The following RAB30 variants were observed in gnomAD, a reference collection of about 807,000 sequenced individuals.
RAB30 encodes RAB30, member RAS oncogene family, also known as ras-related protein Rab-30.
RAB30 carries 9 observed loss-of-function variants against 25.1 expected under a neutral mutation model. The ratio of observed to expected loss-of-function variants is 0.36; its 90% confidence interval spans 0.22 to 0.63. RAB30 has a LOEUF of 0.63. RAB30 is among the 20% of genes least tolerant of loss of function. The probability of loss-of-function intolerance (pLI) is 0.69; values close to 1 mark genes in which losing one functional copy is unlikely to be tolerated. For missense variants in RAB30, 140 were observed against 243.5 expected, an observed-to-expected ratio of 0.58 and a Z score of 2.83; for synonymous variants, 77 against 86.4, an observed-to-expected ratio of 0.89 and a Z score of 0.60.
At chr11:83,038,476 C>G (rs567049374) in intron 1 of RAB30, among the ~76,000 whole-genome samples, 1 of 152,268 alleles carries the variant, frequency 6.6e-6, no homozygotes, top group African/African-American at 2.4e-5. Context: ...ATGCCTACCT[C>G]AAGATGTTTA....
intron 1 of RAB30, chr11:83,035,450 G>A (rs1305595496): frequency 2.6e-5 from 4 of 152,552 alleles, no homozygotes; most frequent in Non-Finnish European, 5.9e-5. Flanking sequence ...ATGAGTGAAG[G>A]AGAAGGCCAC....
rs189126960 is a variant in RAB30, at chr11:82,982,141, C to A, written c.*24G>T. On this transcript the variant is annotated 3_prime_UTR_variant, in exon 5 of 5. Transcript: ENST00000527633. ...GGCCCATCAGGGCAGTTGCTGATTC[C>A]TTTTCTTCTCCGTGCCTCAGCCTTT... is the stretch of plus-strand genomic sequence containing the variant. 3 of 1,613,502 alleles carry A rather than the reference C, an allele frequency of 1.9e-6. No individual in the cohort carries two copies. Among genetic ancestry groups the A allele is most frequent in the African/African-American group, 2.7e-5 (2 of 75,036 alleles).
chr11:83,026,733 A>C (rs1471980283), intron 1 of RAB30, among the ~76,000 whole-genome samples: 3 of 152,214 alleles, frequency 2.0e-5, no homozygotes, highest in African/African-American at 7.2e-5. Context: ...CAATCTGGAG[A>C]AGGTGTCACA....
chr11:83,026,906 G>A (rs116894975), intron 1 of RAB30, among the ~76,000 whole-genome samples: 542 of 152,232 alleles, frequency 3.6e-3, no homozygotes, highest in African/African-American at 7.3e-3. Context: ...AATTGACTTA[G>A]CATACTCAGA....
At chr11:83,031,522 C>CA (rs1555037455) in intron 1 of RAB30, among the ~76,000 whole-genome samples, 3 of 83,642 alleles carry the variant, frequency 3.6e-5, no homozygotes, top group Non-Finnish European at 6.9e-5. Flanking sequence ...TCTGCGTATT[C>CA]TTTTTTTTTC....
At chr11:82,984,132 T>C (rs1437298370) in intron 4 of RAB30, among the ~76,000 whole-genome samples, 1 of 152,218 alleles carries the variant, frequency 6.6e-6, no homozygotes, top group Non-Finnish European at 1.5e-5. Context: ...GGTGTGTCAA[T>C]TGTATTATCT....
At chr11:82,996,451 C>T (rs748345303) in intron 2 of RAB30, among the ~76,000 whole-genome samples, 27 of 152,212 alleles carry the variant, frequency 1.8e-4, no homozygotes, top group Non-Finnish European at 3.1e-4. Context: ...CAAGTTCCAA[C>T]TTGCTGAACA....
At chr11:83,056,638 G>T (rs1368561750) in intron 1 of RAB30, among the ~76,000 whole-genome samples, 1 of 152,096 alleles carries the variant, frequency 6.6e-6, no homozygotes, top group Non-Finnish European at 1.5e-5. Flanking sequence ...ACATAAAATT[G>T]CAAATTGTCC....
At chr11:82,997,410 G>A (rs981921735) in intron 1 of RAB30, 86 bp from the exon 2 acceptor site, 15 of 933,434 alleles carry the variant, frequency 1.6e-5, no homozygotes, top group East Asian at 1.5e-4. Flanking sequence ...CTCTCCGGGG[G>A]AACAGGTCTG....
At chr11:83,043,365 G>T (rs1158972059) in intron 1 of RAB30, among the ~76,000 whole-genome samples, 1 of 152,144 alleles carries the variant, frequency 6.6e-6, no homozygotes, top group Non-Finnish European at 1.5e-5. Context: ...GATCAGCTGA[G>T]CCTAATCCAC....
Position 82,997,343 on chromosome 11 carries a change from C to CA in RAB30, c.-8-20dup. ...TACACAGCTGCAAGGCAAACACAGG[C>CA]AAAAGTGAGAAAGGCCCAGTCAGAC... On this transcript the variant is annotated intron_variant, in intron 1 of 4. Coordinates refer to ENST00000527633, the MANE Select transcript of RAB30 (RefSeq NM_001286060.2). The CA allele has an allele frequency of 6.5e-7, 1 of 1,543,392 alleles. No homozygotes were observed. Among genetic ancestry groups the CA allele is most frequent in the East Asian group, 2.2e-5 (1 of 44,510 alleles).
At chr11:83,042,133 G>C (rs1858132689) in intron 1 of RAB30, among the ~76,000 whole-genome samples, 1 of 152,060 alleles carries the variant, frequency 6.6e-6, no homozygotes, top group South Asian at 2.1e-4. Context: ...ATTCCTTCAG[G>C]CAGGGAACAC....
chr11:83,033,585 A>G (rs1857923972), intron 1 of RAB30, among the ~76,000 whole-genome samples: 1 of 152,212 alleles, frequency 6.6e-6, no homozygotes, highest in African/African-American at 2.4e-5. Context: ...GAAATCCAGG[A>G]AAGTAACTTG....
chr11:83,006,904 C>A (rs1857196498), intron 1 of RAB30, among the ~76,000 whole-genome samples: 1 of 152,176 alleles, frequency 6.6e-6, no homozygotes, highest in African/African-American at 2.4e-5. Context: ...CCCTCAAAAC[C>A]AAGTATCCAC....
At chr11:83,015,603 G>A (rs916830418) in intron 1 of RAB30, among the ~76,000 whole-genome samples, 5 of 152,156 alleles carry the variant, frequency 3.3e-5, no homozygotes, top group East Asian at 1.9e-4. Context: ...AGATACAAAC[G>A]TGAGGGTCAC....
intron 1 of RAB30, among the ~76,000 whole-genome samples, chr11:83,011,596 C>A (rs938724240): frequency 3.3e-5 from 5 of 152,166 alleles, no homozygotes; most frequent in African/African-American, 1.2e-4. Context: ...ATTAGAAAGG[C>A]ATTTAACAGA....
intron 1 of RAB30, among the ~76,000 whole-genome samples, chr11:83,048,701 G>A (rs1847097799): frequency 6.6e-6 from 1 of 152,162 alleles, no homozygotes; most frequent in Non-Finnish European, 1.5e-5. Flanking sequence ...ATCAAAATGA[G>A]TTTAATGTTA....
chr11:83,053,618 T>C (rs1363524743), intron 1 of RAB30, among the ~76,000 whole-genome samples: 1 of 127,496 alleles, frequency 7.8e-6, no homozygotes, highest in African/African-American at 3.9e-5. Context: ...CCTAAATGCC[T>C]TCAAAAAAAA....
At position 82,976,720 on chromosome 11, in the gene RAB30, AAAAAC is replaced by A. The variant is rs1320466477; in HGVS notation, c.*5440_*5444del. Reference sequence around the variant, plus strand: ...TACAGATTTAAGACCAATGACTTAAAAAAACAAAACAAAACCATAAAAAAAGACCA... The same window carrying A: ...TACAGATTTAAGACCAATGACTTAAAAAAACAAAACCATAAAAAAAGACCA... On this transcript the variant is annotated 3_prime_UTR_variant, in exon 5 of 5. Transcript: ENST00000527633. 1 of 152,220 alleles carries A rather than the reference AAAAAC, an allele frequency of 6.6e-6. No individual in the cohort carries two copies. Among genetic ancestry groups the A allele is most frequent in the African/African-American group, 2.4e-5 (1 of 41,464 alleles). The allele number at this position is 152,220 out of a possible 1,614,324, so 9.4% of individuals were successfully genotyped here.
Sources: gnomAD v4.1 joint callset for allele counts (sites outside exome capture counted in the v4.1 genomes callset) on GRCh38, gnomAD v4.1.1 for gene constraint, MANE v1.5 for transcripts, NCBI Gene and HGNC (gene_info 2026-07-23, HGNC 2026-07-21) for gene names.